The following CALCR variants were observed in gnomAD, a reference collection of about 807,000 sequenced individuals.
CALCR encodes calcitonin receptor.
CALCR carries 47 observed loss-of-function variants against 59.5 expected under a neutral mutation model. The ratio of observed to expected loss-of-function variants is 0.79; its 90% CI spans 0.63 to 1.01. The LOEUF (loss-of-function observed/expected upper bound fraction) is 1.01, where lower values mean the gene tolerates loss of function less well. Among genes scored for constraint, CALCR ranks in the 50% least tolerant of loss-of-function variants. The pLI is 0.00. For missense variants in CALCR, 566 were observed against 597.1 expected (o/e 0.95, Z 0.54); for synonymous variants, 213 against 211.3 (o/e 1.01, Z -0.07).
chr7:93,574,258 T>C (rs757197266), intron 2 of CALCR, 31 bp downstream of exon 2: 4 of 152,324 alleles, frequency 2.6e-5, no homozygotes, highest in Non-Finnish European at 4.4e-5. Flanking sequence ...CCCAAATCGT[T>C]AAGTCCCGCT....
chr7:93,460,564 A>ATATATATATATATATAT (rs1562982351), intron 8 of CALCR, among the ~76,000 whole-genome samples: 6 of 85,356 alleles, frequency 7.0e-5, no homozygotes, highest in African/African-American at 5.7e-4. Context: ...TAAAAAAAAA[A>ATATATATATATATATAT]AAAAAAAAAT....
intron 2 of CALCR, among the ~76,000 whole-genome samples, chr7:93,544,137 T>TA (rs1277953246): frequency 8.6e-5 from 13 of 151,766 alleles, no homozygotes; most frequent in African/African-American, 2.4e-4. Flanking sequence ...TTAATTTTGT[T>TA]AAAAAAAACT....
At chr7:93,533,578 G>C (rs904274290) in intron 2 of CALCR, among the ~76,000 whole-genome samples, 22 of 152,004 alleles carry the variant, frequency 1.4e-4, no homozygotes, top group Admixed American at 1.2e-3. Flanking sequence ...TCCAATGGGA[G>C]AGGAGGTTGA....
chr7:93,460,341 G>A (rs1157913337), intron 8 of CALCR, among the ~76,000 whole-genome samples: 8 of 151,728 alleles, frequency 5.3e-5, no homozygotes, highest in African/African-American at 1.9e-4. Context: ...AGATCACGAA[G>A]TCAGGAGTTC....
intron 8 of CALCR, among the ~76,000 whole-genome samples, chr7:93,444,458 T>A (rs1037410568): frequency 6.6e-5 from 10 of 152,256 alleles, no homozygotes; most frequent in Admixed American, 2.6e-4. Context: ...TACTTTTATT[T>A]ACTAGTCACT....
chr7:93,543,944 A>G (rs1019478951), intron 2 of CALCR, among the ~76,000 whole-genome samples: 1 of 152,028 alleles, frequency 6.6e-6, no homozygotes, highest in Admixed American at 6.6e-5. Flanking sequence ...TTGCTACAGT[A>G]CTTCTGCCTT....
chr7:93,457,971 C>T (rs935195365), intron 8 of CALCR, among the ~76,000 whole-genome samples: 2 of 152,110 alleles, frequency 1.3e-5, no homozygotes, highest in African/African-American at 4.8e-5. Context: ...CTTACTCTCA[C>T]CGAGCCTCGG....
chr7:93,473,350 AG>A (rs1800596650), intron 5 of CALCR, among the ~76,000 whole-genome samples: 1 of 151,806 alleles, frequency 6.6e-6, no homozygotes, highest in Admixed American at 6.6e-5. Context: ...CATAACTAGC[AG>A]GTAGAAAGGT....
At chr7:93,455,252 C>G (rs552136176) in intron 8 of CALCR, among the ~76,000 whole-genome samples, 7 of 151,726 alleles carry the variant, frequency 4.6e-5, no homozygotes, top group Non-Finnish European at 1.0e-4. Context: ...AAACATATGC[C>G]CGAATTACTG....
intron 2 of CALCR, among the ~76,000 whole-genome samples, chr7:93,544,515 A>G (rs1371749380): frequency 1.3e-5 from 2 of 152,178 alleles, no homozygotes; most frequent in Non-Finnish European, 2.9e-5. Flanking sequence ...TGTATTTTTA[A>G]TAACATCTAT....
At chr7:93,565,967 C>T (rs2116280048) in intron 2 of CALCR, among the ~76,000 whole-genome samples, 1 of 152,226 alleles carries the variant, frequency 6.6e-6, no homozygotes, top group African/African-American at 2.4e-5. Flanking sequence ...GGCAGCAGTA[C>T]AATTTTCCTT....
chr7:93,521,210 C>T (rs895706874), intron 2 of CALCR, among the ~76,000 whole-genome samples: 10 of 152,030 alleles, frequency 6.6e-5, no homozygotes, highest in Non-Finnish European at 1.5e-4. Context: ...TGATTTGTTG[C>T]CAGTAAGGCT....
chr7:93,477,710 T>C (rs745351014), intron 4 of CALCR, 42 bp from the exon 5 acceptor site: 9 of 1,248,558 alleles, frequency 7.2e-6, no homozygotes, highest in Admixed American at 1.7e-5. Flanking sequence ...CCTTGTGGAT[T>C]TAACTAAATG....
intron 2 of CALCR, among the ~76,000 whole-genome samples, chr7:93,549,081 A>G (rs985752619): frequency 2.0e-5 from 3 of 152,174 alleles, no homozygotes; most frequent in East Asian, 1.9e-4. Flanking sequence ...GACAAAAAAG[A>G]TACAGAATTT....
intron 2 of CALCR, among the ~76,000 whole-genome samples, chr7:93,549,815 A>T (rs924851853): frequency 1.3e-5 from 2 of 152,196 alleles, no homozygotes; most frequent in Non-Finnish European, 2.9e-5. Flanking sequence ...AAATATTACC[A>T]TGATAAGTAC....
intron 2 of CALCR, among the ~76,000 whole-genome samples, chr7:93,522,705 G>A (rs1449300548): frequency 6.6e-6 from 1 of 152,138 alleles, no homozygotes; most frequent in Non-Finnish European, 1.5e-5. Flanking sequence ...GCACAGGCAG[G>A]AAAAGCCCAG....
chr7:93,494,991 A>G (rs1374254821), intron 2 of CALCR, among the ~76,000 whole-genome samples: 2 of 151,344 alleles, frequency 1.3e-5, no homozygotes, highest in Non-Finnish European at 3.0e-5. Flanking sequence ...TGGGGGTGGA[A>G]TCTAGAGACT....
At chr7:93,567,552 GT>G (rs370167550) in intron 2 of CALCR, among the ~76,000 whole-genome samples, 3,354 of 149,296 alleles carry the variant, frequency 0.022, 128 homozygotes, top group African/African-American at 0.079. Context: ...TTTATAAAAA[GT>G]TTTTTTTTTA....
At chr7:93,551,906 A>C (rs1368539314) in intron 2 of CALCR, among the ~76,000 whole-genome samples, 1 of 152,194 alleles carries the variant, frequency 6.6e-6, no homozygotes, top group Non-Finnish European at 1.5e-5. Context: ...TAGATGACAC[A>C]AATTAAGAAA....
Sources: allele counts gnomAD v4.1 joint callset (sites outside exome capture counted in the v4.1 genomes callset), GRCh38; gene constraint gnomAD v4.1.1; transcripts MANE v1.5; gene names NCBI Gene and HGNC (gene_info 2026-07-23, HGNC 2026-07-21).